EIF4G3: variants seen among roughly 807,000 people sequenced by gnomAD.
The protein encoded by EIF4G3 is eukaryotic translation initiation factor 4 gamma 3.
A neutral mutation model predicts 186.4 loss-of-function variants in EIF4G3; 34 were observed. The observed-to-expected ratio is 0.18, with a 90% CI of 0.14 to 0.24. EIF4G3 has a LOEUF of 0.24. EIF4G3 is among the 10% of genes least tolerant of loss of function. EIF4G3 has a pLI of 1.00. For synonymous variants in EIF4G3, 673 were observed against 679.5 expected, an observed-to-expected ratio of 0.99 and a Z score of 0.15; for missense variants, 1,536 against 1,948.5, an observed-to-expected ratio of 0.79 and a Z score of 3.99.
At chr1:20,855,155 GT>G in intron 25 of EIF4G3, 84 bp from the exon 26 acceptor site, 1 of 1,084,094 alleles carries the variant, frequency 9.2e-7, no homozygotes, top group East Asian at 2.7e-5. Flanking sequence ...CTTCAGTGAA[GT>G]AGAACCAATT....
intron 14 of EIF4G3, among the ~76,000 whole-genome samples, chr1:20,923,931 A>G (rs2094679995): frequency 6.6e-6 from 1 of 152,052 alleles, no homozygotes; most frequent in East Asian, 1.9e-4. Flanking sequence ...GGCCTGTCAC[A>G]TGGTAGATAT....
chr1:21,169,431 G>A (rs1223321489), intron 2 of EIF4G3, among the ~76,000 whole-genome samples: 1 of 151,830 alleles, frequency 6.6e-6, no homozygotes, highest in African/African-American at 2.4e-5. Flanking sequence ...CTGGGAAACA[G>A]GGCAACACTC....
At chr1:21,007,764 T>C (rs2085694058) in intron 4 of EIF4G3, among the ~76,000 whole-genome samples, 3 of 151,990 alleles carry the variant, frequency 2.0e-5, no homozygotes, top group African/African-American at 7.2e-5. Flanking sequence ...TATATGCACA[T>C]AGTACACACA....
At chr1:21,006,878 G>A (rs544078328) in intron 4 of EIF4G3, among the ~76,000 whole-genome samples, 1 of 152,230 alleles carries the variant, frequency 6.6e-6, no homozygotes, top group African/African-American at 2.4e-5. Context: ...ATGGACATAA[G>A]CTAACAAAAA....
At chr1:20,913,421 C>T (rs1188181760) in intron 14 of EIF4G3, among the ~76,000 whole-genome samples, 2 of 152,074 alleles carry the variant, frequency 1.3e-5, no homozygotes, top group African/African-American at 4.8e-5. Flanking sequence ...GTCTTTAGTC[C>T]TAGCTGCTTA....
intron 3 of EIF4G3, among the ~76,000 whole-genome samples, chr1:21,078,090 A>T (rs1384662144): frequency 6.6e-6 from 1 of 152,198 alleles, no homozygotes; most frequent in Admixed American, 6.5e-5. Context: ...CATTAAAATT[A>T]TAAGTGAATT....
chr1:21,028,445 T>C (rs2092400785), intron 4 of EIF4G3, among the ~76,000 whole-genome samples: 2 of 152,292 alleles, frequency 1.3e-5, no homozygotes, highest in Admixed American at 6.5e-5. Context: ...TATCTACTTA[T>C]ACAAAACTCA....
chr1:21,111,304 C>T (rs548606010), intron 2 of EIF4G3: 4 of 471,228 alleles, frequency 8.5e-6, no homozygotes, highest in East Asian at 6.9e-5. Flanking sequence ...ATCCTAGATT[C>T]GTTTGCCAGC....
intron 4 of EIF4G3, among the ~76,000 whole-genome samples, chr1:21,029,486 T>G (rs2092535571): frequency 6.6e-6 from 1 of 151,340 alleles, no homozygotes; most frequent in African/African-American, 2.4e-5. Context: ...AGGGAACTAG[T>G]GGGCCAGGTG....
chr1:21,088,648 C>A (rs993491479), intron 3 of EIF4G3, among the ~76,000 whole-genome samples: 10 of 151,972 alleles, frequency 6.6e-5, no homozygotes, highest in African/African-American at 2.4e-4. Flanking sequence ...GTGGATCACC[C>A]GCAGTCAGGA....
rs944651010 is a variant in EIF4G3, at chr1:21,140,502, TG to T, written c.-272+35672del. Among the ~76,000 whole-genome samples, 9 of 152,288 alleles carry T rather than the reference TG, an allele frequency of 5.9e-5. No individual in the cohort carries two copies. The East Asian group carries it at 1.5e-3, about 26-fold the overall frequency. The stretch of plus-strand genomic sequence containing the variant: ...CTAATTTCTGTATTTTTATTAGAGA[TG>T]GGGTTTCACCATATGCCCAGACTGG... On this transcript the variant is annotated intron_variant, in intron 2 of 36. Transcript: ENST00000602326.
chr1:20,824,298 C>A (rs929345977), intron 33 of EIF4G3, among the ~76,000 whole-genome samples: 1 of 152,224 alleles, frequency 6.6e-6, no homozygotes, highest in Non-Finnish European at 1.5e-5. Context: ...CTGTAGCAAC[C>A]TAATATAATA....
chr1:20,842,008 C>G (rs1426222532), intron 29 of EIF4G3, among the ~76,000 whole-genome samples: 2 of 151,910 alleles, frequency 1.3e-5, no homozygotes, highest in African/African-American at 2.4e-5. Flanking sequence ...TTATTTAATA[C>G]CTCCCTCACA....
intron 20 of EIF4G3, among the ~76,000 whole-genome samples, chr1:20,867,690 T>A (rs2077903704): frequency 6.6e-6 from 1 of 152,212 alleles, no homozygotes; most frequent in South Asian, 2.1e-4. Flanking sequence ...AAGAGTAACG[T>A]ATATTGTAAT....
At chr1:21,129,685 C>A (rs2097117325) in intron 2 of EIF4G3, among the ~76,000 whole-genome samples, 1 of 151,962 alleles carries the variant, frequency 6.6e-6, no homozygotes, top group South Asian at 2.1e-4. Context: ...AGGACATTTC[C>A]AAAATCTACC....
intron 3 of EIF4G3, among the ~76,000 whole-genome samples, chr1:21,072,645 G>C (rs777447682): frequency 6.6e-6 from 1 of 151,912 alleles, no homozygotes; most frequent in Non-Finnish European, 1.5e-5. Context: ...CTCGTGACCC[G>C]CCCGCCTCAG....
chr1:20,867,968 C>T (rs1442873767), intron 20 of EIF4G3, among the ~76,000 whole-genome samples: 5 of 152,076 alleles, frequency 3.3e-5, no homozygotes, highest in Admixed American at 1.3e-4. Flanking sequence ...TATACAGCTC[C>T]TTGAAGACTT....
chr1:20,924,178 C>A (rs535161194), intron 14 of EIF4G3, among the ~76,000 whole-genome samples: 1 of 152,214 alleles, frequency 6.6e-6, no homozygotes, highest in Admixed American at 6.5e-5. Flanking sequence ...ATTTATAACT[C>A]ATTTTAACAT....
intron 2 of EIF4G3, among the ~76,000 whole-genome samples, chr1:21,104,415 GAACA>G (rs935694435): frequency 8.5e-5 from 13 of 152,140 alleles, no homozygotes; most frequent in African/African-American, 2.4e-4. Context: ...CAAAGAACAT[GAACA>G]AACACTTTTC....
Sources: allele counts gnomAD v4.1 joint callset (sites outside exome capture counted in the v4.1 genomes callset), GRCh38; gene constraint gnomAD v4.1.1; transcripts MANE v1.5; gene names NCBI Gene and HGNC (gene_info 2026-07-23, HGNC 2026-07-21).